The following UVRAG variants were observed in gnomAD, a reference collection of about 807,000 sequenced individuals.
UVRAG encodes UV radiation resistance-associated gene protein.
A neutral mutation model predicts 78.0 loss-of-function variants in UVRAG; 19 were observed. The ratio of observed to expected loss-of-function variants is 0.24; its 90% CI spans 0.17 to 0.36. The LOEUF is 0.36. Among genes scored for constraint, UVRAG ranks in the 10% least tolerant of loss-of-function variants. The pLI, the probability that UVRAG is intolerant of heterozygous loss-of-function variation, is 1.00. For missense variants in UVRAG, 740 were observed against 853.8 expected (o/e 0.87, Z 1.66); for synonymous variants, 323 against 324.6 (o/e 1.00, Z 0.05).
At chr11:76,074,664 A>G (rs1951373163) in intron 13 of UVRAG, among the ~76,000 whole-genome samples, 1 of 152,226 alleles carries the variant, frequency 6.6e-6, no homozygotes, top group Admixed American at 6.5e-5. Context: ...CCTGGGGATG[A>G]CAAAGCTATT....
chr11:75,828,764 T>C (rs1328958400), intron 1 of UVRAG, among the ~76,000 whole-genome samples: 9 of 112,736 alleles, frequency 8.0e-5, no homozygotes, highest in Admixed American at 2.6e-4. Context: ...CATATATATA[T>C]ATATATATAT....
intron 11 of UVRAG, among the ~76,000 whole-genome samples, chr11:76,014,365 C>T (rs527552715): frequency 1.8e-4 from 28 of 152,296 alleles, no homozygotes; most frequent in Non-Finnish European, 1.2e-4. Context: ...TTCAAATCCT[C>T]TTCTGTCAGG....
chr11:76,056,822 C>G (rs1289207684), intron 12 of UVRAG, among the ~76,000 whole-genome samples: 1 of 152,112 alleles, frequency 6.6e-6, no homozygotes, highest in East Asian at 1.9e-4. Flanking sequence ...TACCCCTGGC[C>G]ACTCTTAGTC....
Position 76,141,609 on chromosome 11 carries a change from A to G in UVRAG, c.*196A>G, listed in dbSNP as rs1462842968. 4.6e-6 allele frequency: 3 copies of G among 653,074 alleles called. No individual in the cohort carries two copies. Among genetic ancestry groups the G allele is most frequent in the Non-Finnish European group, 7.6e-6 (3 of 397,350 alleles). The allele number at this position is 653,074 out of a possible 1,614,324, so 40.5% of individuals were successfully genotyped here. On this transcript the variant is annotated 3_prime_UTR_variant, in exon 15 of 15. Transcript: ENST00000356136. The stretch of plus-strand genomic sequence containing the variant: ...GGGCCAAAGTTAGATTTTGCTTTCA[A>G]GATTTGCTTTTCGGGCCTGATGATT...
chr11:75,903,099 T>G (rs1297090436), intron 5 of UVRAG, among the ~76,000 whole-genome samples: 1 of 151,622 alleles, frequency 6.6e-6, no homozygotes, highest in African/African-American at 2.4e-5. Context: ...CCCACCTTCC[T>G]CCTCCTCCTC....
rs183867528 is a variant in UVRAG at position 75,826,882 on chromosome 11, C to G, written c.117+11358C>G. On this transcript the variant is annotated intron_variant, in intron 1 of 14. Coordinates refer to ENST00000356136, the MANE Select transcript of UVRAG (RefSeq NM_003369.4). Reference sequence around the variant, plus strand: ...TACTTATCCATTCTTTGTGAAAACTCCAGTATAGTGTGCTTATTGATTGAG... The same window carrying G: ...TACTTATCCATTCTTTGTGAAAACTGCAGTATAGTGTGCTTATTGATTGAG... Among the ~76,000 whole-genome samples, 22 of 152,104 alleles carry G rather than the reference C, an allele frequency of 1.4e-4. No homozygotes were observed. The East Asian group carries it at 3.1e-3, about 21-fold the overall frequency.
chr11:75,937,046 A>G (rs1948386776), intron 6 of UVRAG, among the ~76,000 whole-genome samples: 1 of 152,178 alleles, frequency 6.6e-6, no homozygotes, highest in African/African-American at 2.4e-5. Context: ...AGCTCCAGTT[A>G]ATTAACTTTT....
chr11:75,930,972 TTTCTTTCTTTCTTTCC>T (rs1948227378), intron 6 of UVRAG: 1 of 150,844 alleles, frequency 6.6e-6, no homozygotes, highest in African/African-American at 2.5e-5. Flanking sequence ...TCTTTCTTTC[TTTCTTTCTTTCTTTCC>T]ATTTTTAATT....
chr11:75,903,212 G>T (rs1373978306), intron 5 of UVRAG, among the ~76,000 whole-genome samples: 1 of 151,900 alleles, frequency 6.6e-6, no homozygotes, highest in African/African-American at 2.4e-5. Flanking sequence ...GCCTCCTATC[G>T]GGTAGTTGGA....
intron 5 of UVRAG, chr11:75,911,682 TG>T (rs1247549490): frequency 7.4e-6 from 2 of 271,790 alleles, no homozygotes; most frequent in Admixed American, 1.0e-4. Flanking sequence ...GGCACTGTGG[TG>T]GGAGGGAAGG....
chr11:75,990,333 T>C (rs997096404), intron 8 of UVRAG, among the ~76,000 whole-genome samples: 1 of 152,226 alleles, frequency 6.6e-6, no homozygotes, highest in Non-Finnish European at 1.5e-5. Flanking sequence ...CTTAAAACTG[T>C]GTCTCACTGA....
intron 13 of UVRAG, among the ~76,000 whole-genome samples, chr11:76,067,997 A>G (rs1951225131): frequency 6.6e-6 from 1 of 152,060 alleles, no homozygotes; most frequent in Non-Finnish European, 1.5e-5. Context: ...GGCTATTGGA[A>G]GCTTCCTGGT....
chr11:75,934,802 G>A (rs1474201518), intron 6 of UVRAG: 1 of 152,036 alleles, frequency 6.6e-6, no homozygotes, highest in Non-Finnish European at 1.5e-5. Context: ...TATTTTGTGT[G>A]TCATTCTACA....
chr11:76,101,854 T>C (rs1194869182), intron 13 of UVRAG, among the ~76,000 whole-genome samples: 1 of 152,232 alleles, frequency 6.6e-6, no homozygotes, highest in Non-Finnish European at 1.5e-5. Flanking sequence ...TCTCCATTGC[T>C]TGTTTTTGTC....
intron 13 of UVRAG, among the ~76,000 whole-genome samples, chr11:76,110,771 G>A (rs1309613217): frequency 6.6e-6 from 1 of 152,128 alleles, no homozygotes; most frequent in East Asian, 1.9e-4. Flanking sequence ...AGAGTAATGA[G>A]TACTGTGTAA....
intron 5 of UVRAG, among the ~76,000 whole-genome samples, chr11:75,911,031 T>C (rs977572888): frequency 3.3e-5 from 5 of 152,222 alleles, no homozygotes; most frequent in Non-Finnish European, 5.9e-5. Flanking sequence ...AAACATTGTT[T>C]CCGTGGGAAA....
intron 4 of UVRAG, among the ~76,000 whole-genome samples, chr11:75,882,370 G>T (rs1460724820): frequency 7.2e-5 from 11 of 151,922 alleles, no homozygotes; most frequent in Non-Finnish European, 2.9e-5. Flanking sequence ...AAAATTAACT[G>T]GGCACAGCGG....
intron 6 of UVRAG, among the ~76,000 whole-genome samples, chr11:75,929,409 T>A (rs1412262815): frequency 6.6e-6 from 1 of 152,118 alleles, no homozygotes; most frequent in East Asian, 1.9e-4. Context: ...AGTAGCGGAA[T>A]GAAAATCAGA....
In UVRAG at chr11:76,113,299, AAGCT is replaced by A. The variant is rs142357686; in HGVS notation, c.1306-2622_1306-2619del. Among the ~76,000 whole-genome samples the A allele has an allele frequency of 1.2e-3, 179 of 152,216 alleles. 1 individual carries two copies. The East Asian group carries it at 0.026, about 22-fold the overall frequency. ...TCAAGTTCTCATATTCTTTAAGAAA[AAGCT>A]AGTAGATAATGTATGGGAAAGGGGA... On this transcript the variant is annotated intron_variant, in intron 13 of 14. Transcript: ENST00000356136.
Sources: gnomAD v4.1 joint callset for allele counts (sites outside exome capture counted in the v4.1 genomes callset) on GRCh38, gnomAD v4.1.1 for gene constraint, MANE v1.5 for transcripts, NCBI Gene and HGNC (gene_info 2026-07-23, HGNC 2026-07-21) for gene names.